MRRF: variants seen among roughly 807,000 people sequenced by gnomAD.
MRRF encodes ribosome-recycling factor, mitochondrial.
Under a neutral mutation model 25.1 loss-of-function variants are expected in MRRF, and 18 were observed. That is an observed-to-expected ratio of 0.72 (90% CI 0.50 to 1.06). The LOEUF (loss-of-function observed/expected upper bound fraction) is 1.06. MRRF is among the 50% of genes least tolerant of loss of function. The pLI, the probability that MRRF is intolerant of heterozygous loss-of-function variation, is 0.00. For missense variants in MRRF, 323 were observed against 319.3 expected (o/e 1.01, Z -0.09); for synonymous variants, 113 against 112.1 (o/e 1.01, Z -0.05).
intron 5 of MRRF, among the ~76,000 whole-genome samples, chr9:122,309,917 A>G (rs907441457): frequency 6.6e-6 from 1 of 152,242 alleles, no homozygotes; most frequent in African/African-American, 2.4e-5. Context: ...TTGCCATAGC[A>G]TAGATCTTTG....
chr9:122,291,761 G>A lies in MRRF; in HGVS notation c.472G>A (p.Ala158Thr). ...MASFPECTAAAIKAIRESGMN... is the reference protein window; with the variant it reads ...MASFPECTAATIKAIRESGMN... Reference sequence around the variant, plus strand: ...ATCTGGTTTTCAGTGTACAGCTGCAGCTATCAAGGCTATAAGAGAAAGTGG... The same window carrying A: ...ATCTGGTTTTCAGTGTACAGCTGCAACTATCAAGGCTATAAGAGAAAGTGG... Residue 158 changes from alanine to threonine, a missense_variant, in exon 5 of 7, where the codon GCT becomes ACT. Physicochemically the swap from Ala to Thr is moderately conservative, Grantham distance 58 (BLOSUM62 0). Coordinates refer to ENST00000344641, the MANE Select transcript of MRRF (RefSeq NM_138777.5). 6.2e-7 allele frequency: 1 copy of A among 1,612,348 alleles called. No homozygotes were observed. Among genetic ancestry groups the A allele is most frequent in the Non-Finnish European group, 8.5e-7 (1 of 1,178,346 alleles).
chr9:122,309,610 C>G (rs1474224606), intron 5 of MRRF, among the ~76,000 whole-genome samples: 7 of 152,124 alleles, frequency 4.6e-5, no homozygotes, highest in Non-Finnish European at 7.4e-5. Flanking sequence ...TTTTGTAGAA[C>G]CTCTATATGT....
chr9:122,304,207 T>A (rs1396653776), intron 5 of MRRF, among the ~76,000 whole-genome samples: 2 of 152,230 alleles, frequency 1.3e-5, no homozygotes, highest in African/African-American at 4.8e-5. Flanking sequence ...GCTGCTTCTT[T>A]AGCCTTTTTA....
intron 5 of MRRF, among the ~76,000 whole-genome samples, chr9:122,304,934 C>G (rs115378713): frequency 3.3e-5 from 5 of 151,992 alleles, no homozygotes; most frequent in Admixed American, 3.3e-4. Context: ...TCTGTCTGAA[C>G]CCCCACTTCC....
chr9:122,323,890 G>A lies in MRRF; in HGVS notation c.*1273G>A, dbSNP rs1836028029. 6.6e-6 allele frequency: 1 copy of A among 152,158 alleles called. No individual in the cohort carries two copies. The highest frequency in any genetic ancestry group is 1.5e-5 in the Non-Finnish European group (1 of 68,036). 9.4% of individuals were successfully genotyped at this position (152,158 alleles called of 1,614,324 possible). ...TTTACATAGAGGTGAAGTTTCTTGT[G>A]CAGGGTTACACACCTAGCAAGTAGC... On this transcript the variant is annotated 3_prime_UTR_variant, in exon 7 of 7. Transcript: ENST00000344641.
intron 5 of MRRF, among the ~76,000 whole-genome samples, chr9:122,297,619 C>A (rs762941845): frequency 1.3e-5 from 2 of 152,130 alleles, no homozygotes; most frequent in Non-Finnish European, 2.9e-5. Context: ...TTCTCTTTTG[C>A]TAACCATGTC....
intron 5 of MRRF, among the ~76,000 whole-genome samples, chr9:122,303,512 T>C (rs996629581): frequency 6.6e-6 from 1 of 151,948 alleles, no homozygotes; most frequent in Admixed American, 6.6e-5. Context: ...CCTGAGTAGC[T>C]GGGACTACAG....
At chr9:122,290,107 T>C (rs922942015) in intron 4 of MRRF, among the ~76,000 whole-genome samples, 4 of 152,116 alleles carry the variant, frequency 2.6e-5, no homozygotes, top group East Asian at 1.9e-4. Context: ...CTTAATGTTA[T>C]AATTACTGAA....
intron 6 of MRRF, among the ~76,000 whole-genome samples, chr9:122,318,093 G>A (rs1363057865): frequency 1.3e-5 from 2 of 152,014 alleles, no homozygotes; most frequent in East Asian, 1.9e-4. Context: ...CCGAAATCGC[G>A]CCACTACATT....
intron 4 of MRRF, chr9:122,286,212 T>A: frequency 7.8e-7 from 1 of 1,287,040 alleles, no homozygotes; most frequent in Non-Finnish European, 1.0e-6. Context: ...GTAGTTGTAT[T>A]CCAAAGTCAT....
At position 122,322,654 on chromosome 9, in the gene MRRF, T is replaced by C; in HGVS notation, c.*37T>C. ...GGCCAGCAATACTCCAGAGCCCAGT[T>C]TCTGCTGGATCCCATGGGTGGCACA... On this transcript the variant is annotated 3_prime_UTR_variant, in exon 7 of 7. Transcript: ENST00000344641. The C allele has an allele frequency of 6.3e-7, 1 of 1,593,056 alleles. No homozygotes were observed. Among genetic ancestry groups the C allele is most frequent in the Non-Finnish European group, 8.6e-7 (1 of 1,161,618 alleles).
chr9:122,292,686 T>C (rs1564491841), intron 5 of MRRF, among the ~76,000 whole-genome samples: 2 of 152,084 alleles, frequency 1.3e-5, no homozygotes, highest in African/African-American at 2.4e-5. Flanking sequence ...TGGAAGGATT[T>C]AAGCAGGGGA....
intron 6 of MRRF, among the ~76,000 whole-genome samples, chr9:122,316,484 A>T (rs1240081337): frequency 6.6e-6 from 1 of 152,116 alleles, no homozygotes; most frequent in African/African-American, 2.4e-5. Flanking sequence ...GTTTATTCTT[A>T]ACCAGGATTG....
At chr9:122,280,030 A>G (rs967657423) in intron 2 of MRRF, among the ~76,000 whole-genome samples, 2 of 152,136 alleles carry the variant, frequency 1.3e-5, no homozygotes, top group African/African-American at 4.8e-5. Flanking sequence ...GTAAGGGATT[A>G]ATTTAGTTAT....
intron 5 of MRRF, among the ~76,000 whole-genome samples, chr9:122,293,635 G>C (rs758770242): frequency 2.6e-5 from 4 of 152,222 alleles, no homozygotes; most frequent in Non-Finnish European, 5.9e-5. Context: ...GAAGCAGATA[G>C]ACCTAGGTTC....
chr9:122,268,870 A>G (rs1832276290), intron 1 of MRRF, among the ~76,000 whole-genome samples: 1 of 152,186 alleles, frequency 6.6e-6, no homozygotes, highest in Non-Finnish European at 1.5e-5. Context: ...CTTTAAAAAT[A>G]ATATCCATCA....
At chr9:122,319,122 C>T (rs1051404278) in intron 6 of MRRF, among the ~76,000 whole-genome samples, 6 of 150,462 alleles carry the variant, frequency 4.0e-5, no homozygotes, top group Non-Finnish European at 7.4e-5. Context: ...GGCTCAGCCA[C>T]ACCACTGAAC....
At chr9:122,275,879 T>C (rs1045435076) in intron 2 of MRRF, among the ~76,000 whole-genome samples, 14 of 152,124 alleles carry the variant, frequency 9.2e-5, no homozygotes, top group African/African-American at 3.4e-4. Context: ...TATCTTACCA[T>C]TGTGCATAAT....
At chr9:122,293,878 A>G (rs1833924240) in intron 5 of MRRF, among the ~76,000 whole-genome samples, 1 of 152,192 alleles carries the variant, frequency 6.6e-6, no homozygotes, top group Non-Finnish European at 1.5e-5. Flanking sequence ...TGTGAAGTTC[A>G]GAGAAATTAA....
Sources: allele counts gnomAD v4.1 joint callset (sites outside exome capture counted in the v4.1 genomes callset), GRCh38; gene constraint gnomAD v4.1.1; transcripts MANE v1.5; gene names NCBI Gene and HGNC (gene_info 2026-07-23, HGNC 2026-07-21).